PDE4D: variants seen among roughly 807,000 people sequenced by gnomAD.
PDE4D encodes the protein 3',5'-cyclic-AMP phosphodiesterase 4D.
PDE4D carries 24 observed loss-of-function variants against 87.4 expected under a neutral mutation model. That is an observed-to-expected ratio of 0.27 (90% CI 0.20 to 0.39). The LOEUF is 0.39. PDE4D is among the 10% of genes least tolerant of loss of function. The probability of loss-of-function intolerance (pLI) is 1.00; values close to 1 mark genes in which losing one functional copy is unlikely to be tolerated. For synonymous variants in PDE4D, 384 were observed against 383.2 expected, an observed-to-expected ratio of 1.00 and a Z score of -0.02; for missense variants, 714 against 1,041.0, an observed-to-expected ratio of 0.69 and a Z score of 4.32.
rs145967066 is a variant in PDE4D at position 60,493,648 on chromosome 5, C to T, written n.70+28403G>A. 8.0e-4 allele frequency among the ~76,000 whole-genome samples: 122 copies of T among 152,074 alleles called. 2 individuals carry two copies. The highest frequency in any genetic ancestry group is 2.8e-3 in the African/African-American group (116 of 41,488). ...TTCACTACTCATGCATGATCTTTGTCCTTATCTTCCTCCACTGTCACATGA... is the reference window on the plus strand; with the variant it reads ...TTCACTACTCATGCATGATCTTTGTTCTTATCTTCCTCCACTGTCACATGA... On this transcript the variant is annotated intron_variant and non_coding_transcript_variant, in intron 1 of 2. Coordinates refer to the PDE4D transcript ENST00000506510.
chr5:59,948,437 G>T (rs1757933960), intron 3 of PDE4D, among the ~76,000 whole-genome samples: 1 of 152,124 alleles, frequency 6.6e-6, no homozygotes, highest in African/African-American at 2.4e-5. Flanking sequence ...TTTCTCTGAG[G>T]ACTTACAGAG....
rs1262198159 is a variant in PDE4D at position 59,390,857 on chromosome 5, A to AAGTC, written c.456-174893_456-174890dup. On this transcript the variant is annotated intron_variant, in intron 1 of 14. Coordinates refer to ENST00000340635, the MANE Select transcript of PDE4D (RefSeq NM_001104631.2). The stretch of plus-strand genomic sequence containing the variant: ...CTAGATGAGTTACAGAGGGTGGTAA[A>AAGTC]AGTCACTCCAAGAGGAAGAAAAGGT... 1.1e-4 allele frequency among the ~76,000 whole-genome samples: 16 copies of AAGTC among 152,120 alleles called. No individual in the cohort carries two copies. In the East Asian group the frequency reaches 2.5e-3, roughly 24 times the overall value.
At chr5:60,076,407 C>G (rs983866125) in intron 2 of PDE4D, among the ~76,000 whole-genome samples, 1 of 152,194 alleles carries the variant, frequency 6.6e-6, no homozygotes, top group Non-Finnish European at 1.5e-5. Flanking sequence ...ATCCACCCAC[C>G]TTGGCCTCCC....
intron 1 of PDE4D, among the ~76,000 whole-genome samples, chr5:59,257,313 G>A (rs1581637959): frequency 6.6e-6 from 1 of 151,940 alleles, no homozygotes; most frequent in East Asian, 1.9e-4. Flanking sequence ...CTTAAGGGTG[G>A]CCAGGAAAAA....
At chr5:60,152,102 G>C (rs1460616494) in intron 2 of PDE4D, among the ~76,000 whole-genome samples, 2 of 152,182 alleles carry the variant, frequency 1.3e-5, no homozygotes, top group African/African-American at 4.8e-5. Flanking sequence ...AATCTCACTT[G>C]ATCATAGTAT....
At chr5:59,683,041 GTAGAT>G (rs979967706) in intron 1 of PDE4D, among the ~76,000 whole-genome samples, 3 of 152,184 alleles carry the variant, frequency 2.0e-5, no homozygotes, top group African/African-American at 4.8e-5. Flanking sequence ...AATAAAGTCT[GTAGAT>G]TAGATAACAA....
chr5:59,507,892 T>C (rs764603299), intron 1 of PDE4D, among the ~76,000 whole-genome samples: 10 of 152,126 alleles, frequency 6.6e-5, no homozygotes, highest in Admixed American at 1.3e-4. Context: ...TTAATCTAAT[T>C]GCTGCTTACA....
intron 1 of PDE4D, among the ~76,000 whole-genome samples, chr5:59,307,773 C>A (rs896706312): frequency 3.9e-5 from 6 of 152,070 alleles, no homozygotes; most frequent in Admixed American, 1.3e-4. Flanking sequence ...GGACTGTCAA[C>A]TAGTTCAACC....
At chr5:59,937,757 T>C (rs954387908) in intron 3 of PDE4D, among the ~76,000 whole-genome samples, 5 of 152,240 alleles carry the variant, frequency 3.3e-5, no homozygotes, top group Non-Finnish European at 5.9e-5. Flanking sequence ...AATCTGTCCA[T>C]AGCAGTAAGA....
chr5:60,448,901 T>C (rs1745865086), intron 1 of PDE4D, among the ~76,000 whole-genome samples: 1 of 152,156 alleles, frequency 6.6e-6, no homozygotes, highest in Non-Finnish European at 1.5e-5. Context: ...CCAAATATAT[T>C]AAGCCTGAAA....
At chr5:60,262,506 T>C (rs1749753737) in intron 1 of PDE4D, 2 of 152,174 alleles carry the variant, frequency 1.3e-5, no homozygotes, top group African/African-American at 4.8e-5. Flanking sequence ...TGGTAACTAT[T>C]ATCATCACTG....
intron 1 of PDE4D, among the ~76,000 whole-genome samples, chr5:59,509,295 T>C (rs1356370021): frequency 6.6e-6 from 1 of 151,748 alleles, no homozygotes; most frequent in East Asian, 1.9e-4. Flanking sequence ...ACAACAAAAC[T>C]ACCTTCCAAG....
rs549569907 is a variant in PDE4D at position 60,061,145 on chromosome 5, C to T, written c.43-72428G>A. Among the ~76,000 whole-genome samples, 3 of 152,286 alleles carry T rather than the reference C, an allele frequency of 2.0e-5. No individual in the cohort carries two copies. The South Asian group carries it at 6.2e-4, about 32-fold the overall frequency. On this transcript the variant is annotated intron_variant, in intron 2 of 16. Coordinates refer to the PDE4D transcript ENST00000502484. ...AGGAAAAGAGAAAGTCAAATTGTCT[C>T]TGTTTGCAGACAACTTGATCCTATA...
intron 6 of PDE4D, among the ~76,000 whole-genome samples, chr5:59,027,742 C>CA (rs1756508602): frequency 6.6e-6 from 1 of 152,006 alleles, no homozygotes. Context: ...CAAGATGCTC[C>CA]AGGCTCATCT....
At chr5:58,990,029 G>T in intron 9 of PDE4D, 110 bp from the exon 10 acceptor site, 1 of 667,982 alleles carries the variant, frequency 1.5e-6, no homozygotes, top group Admixed American at 2.8e-5. Context: ...GGATAACCTG[G>T]AAATGGCAAC....
intron 1 of PDE4D, among the ~76,000 whole-genome samples, chr5:59,373,543 T>C (rs1040530865): frequency 6.6e-6 from 1 of 152,130 alleles, no homozygotes; most frequent in Admixed American, 6.6e-5. Context: ...GTAAAGAGAC[T>C]GAATCTACGA....
intron 1 of PDE4D, among the ~76,000 whole-genome samples, chr5:59,796,145 C>G (rs1766453726): frequency 6.6e-6 from 1 of 152,072 alleles, no homozygotes; most frequent in Non-Finnish European, 1.5e-5. Flanking sequence ...CAGCTGGGGA[C>G]CAGGCTTTTA....
At chr5:59,663,335 T>C (rs1169139368) in intron 1 of PDE4D, among the ~76,000 whole-genome samples, 2 of 152,030 alleles carry the variant, frequency 1.3e-5, no homozygotes, top group African/African-American at 4.8e-5. Context: ...TGGCTAATTT[T>C]TGTATTTTTT....
chr5:59,688,216 G>A (rs1750251824), intron 1 of PDE4D, among the ~76,000 whole-genome samples: 2 of 152,124 alleles, frequency 1.3e-5, no homozygotes, highest in South Asian at 4.2e-4. Context: ...GCACCAAGTG[G>A]ACCTAATAGA....
Sources: gnomAD v4.1 joint callset for allele counts (sites outside exome capture counted in the v4.1 genomes callset) on GRCh38, gnomAD v4.1.1 for gene constraint, MANE v1.5 for transcripts, NCBI Gene and HGNC (gene_info 2026-07-23, HGNC 2026-07-21) for gene names.